Variants in GLRA1 observed in about 807,000 individuals in gnomAD.
GLRA1 encodes the protein glycine receptor subunit alpha-1.
In GLRA1, 37 loss-of-function variants were observed where a neutral mutation model predicts 48.3. That is an observed-to-expected ratio of 0.77 (90% CI 0.59 to 1.01). The LOEUF is 1.01. GLRA1 is among the 50% of genes least tolerant of loss of function. The pLI is 0.00. For synonymous variants in GLRA1, 196 were observed against 210.7 expected, an observed-to-expected ratio of 0.93 and a Z score of 0.60; for missense variants, 427 against 571.0, an observed-to-expected ratio of 0.75 and a Z score of 2.57.
intron 3 of GLRA1, among the ~76,000 whole-genome samples, chr5:151,879,047 G>A (rs1035195603): frequency 6.6e-6 from 1 of 152,240 alleles, no homozygotes; most frequent in Non-Finnish European, 1.5e-5. Context: ...GACACTCAAC[G>A]CTAGCCTATG....
Position 151,884,973 on chromosome 5 carries a change from C to A in GLRA1, c.252+1748G>T, listed in dbSNP as rs58887295. 6.5e-3 allele frequency among the ~76,000 whole-genome samples: 992 copies of A among 152,272 alleles called. 11 individuals are homozygous for A. Among genetic ancestry groups the A allele is most frequent in the African/African-American group, 0.022 (926 of 41,542 alleles). The stretch of plus-strand genomic sequence containing the variant: ...TTGGCTATTTATTTGACCTGGATAT[C>A]CAGTGAAAAGCACCCATGTTTGTTC... On this transcript the variant is annotated intron_variant, in intron 3 of 8. Transcript: ENST00000274576.
chr5:151,853,972 C>T (rs1274840641), intron 6 of GLRA1, among the ~76,000 whole-genome samples: 3 of 152,168 alleles, frequency 2.0e-5, no homozygotes, highest in African/African-American at 7.2e-5. Context: ...GTAATTATTT[C>T]ACAATGCATA....
chr5:151,887,463 G>A (rs112672502), intron 2 of GLRA1, among the ~76,000 whole-genome samples: 22 of 152,160 alleles, frequency 1.4e-4, no homozygotes, highest in African/African-American at 4.6e-4. Flanking sequence ...TAAACATTAC[G>A]GGGGTTCCTG....
chr5:151,904,609 A>T (rs986599176), intron 1 of GLRA1, among the ~76,000 whole-genome samples: 6 of 152,224 alleles, frequency 3.9e-5, no homozygotes, highest in African/African-American at 1.2e-4. Flanking sequence ...AGGGCTAAGC[A>T]CATGGACTCT....
chr5:151,830,333 C>G (rs991535260), intron 7 of GLRA1, among the ~76,000 whole-genome samples: 5 of 152,170 alleles, frequency 3.3e-5, no homozygotes, highest in Admixed American at 1.3e-4. Flanking sequence ...TTTTCAAAAG[C>G]AATCAATAGT....
chr5:151,910,505 G>A (rs1023494015), intron 1 of GLRA1, among the ~76,000 whole-genome samples: 1 of 152,118 alleles, frequency 6.6e-6, no homozygotes, highest in Non-Finnish European at 1.5e-5. Context: ...GGATCCTACT[G>A]TACAGACTGT....
At chr5:151,872,517 C>A (rs185955455) in intron 3 of GLRA1, among the ~76,000 whole-genome samples, 1 of 149,902 alleles carries the variant, frequency 6.7e-6, no homozygotes, top group Admixed American at 6.6e-5. Flanking sequence ...AGTGACTATT[C>A]TTTCATTAAA....
chr5:151,875,687 A>G (rs762414119), intron 3 of GLRA1: 2 of 152,312 alleles, frequency 1.3e-5, no homozygotes, highest in Non-Finnish European at 2.9e-5. Context: ...TGGTATGACC[A>G]TAGACAAGAC....
intron 7 of GLRA1, among the ~76,000 whole-genome samples, chr5:151,842,056 T>A (rs1489310010): frequency 3.1e-5 from 4 of 129,446 alleles, no homozygotes; most frequent in Admixed American, 8.0e-5. Context: ...AAACTCCATC[T>A]AAAAAAAAAA....
chr5:151,838,424 G>A (rs936760422), intron 7 of GLRA1, among the ~76,000 whole-genome samples: 7 of 152,098 alleles, frequency 4.6e-5, no homozygotes, highest in African/African-American at 1.4e-4. Flanking sequence ...AGCCGAGATC[G>A]TATCACCGCA....
chr5:151,922,121 G>T (rs1754890628), intron 1 of GLRA1, among the ~76,000 whole-genome samples: 1 of 152,210 alleles, frequency 6.6e-6, no homozygotes, highest in African/African-American at 2.4e-5. Context: ...AAGGTGAGCA[G>T]CTGGCATCAT....
At chr5:151,833,256 A>G (rs1272064942) in intron 7 of GLRA1, among the ~76,000 whole-genome samples, 1 of 152,170 alleles carries the variant, frequency 6.6e-6, no homozygotes, top group Non-Finnish European at 1.5e-5. Context: ...GGGCAAAATA[A>G]CCAGCTAGCA....
At chr5:151,897,591 A>T (rs1399998792) in intron 1 of GLRA1, among the ~76,000 whole-genome samples, 1 of 152,202 alleles carries the variant, frequency 6.6e-6, no homozygotes, top group Non-Finnish European at 1.5e-5. Context: ...GAGAAGGCTT[A>T]TTGCAATAGA....
chr5:151,826,996 A>G (rs1236043216), intron 8 of GLRA1, among the ~76,000 whole-genome samples: 3 of 149,968 alleles, frequency 2.0e-5, no homozygotes, highest in Admixed American at 2.0e-4. Flanking sequence ...TCTTAGAGAT[A>G]CTTACGTTTG....
chr5:151,869,622 G>A (rs1270718319), intron 3 of GLRA1, among the ~76,000 whole-genome samples: 5 of 149,586 alleles, frequency 3.3e-5, no homozygotes, highest in African/African-American at 1.0e-4. Flanking sequence ...GGCTGAGGGG[G>A]CAGAACTGCT....
At chr5:151,885,820 A>T (rs996749828) in intron 3 of GLRA1, among the ~76,000 whole-genome samples, 1 of 152,186 alleles carries the variant, frequency 6.6e-6, no homozygotes, top group Non-Finnish European at 1.5e-5. Flanking sequence ...AGGAGCAGTG[A>T]CGTGGTTAGA....
intron 3 of GLRA1, among the ~76,000 whole-genome samples, chr5:151,867,937 G>T (rs1753378640): frequency 6.6e-6 from 1 of 152,218 alleles, no homozygotes; most frequent in Non-Finnish European, 1.5e-5. Context: ...AGGAAGATCA[G>T]TATGGCAGGA....
At chr5:151,856,191 A>G (rs1250931215) in intron 5 of GLRA1, 110 bp downstream of exon 5, 5 of 739,352 alleles carry the variant, frequency 6.8e-6, no homozygotes, top group Non-Finnish European at 1.2e-5. Flanking sequence ...GGGTTATTAC[A>G]GTAATCTCCT....
At chr5:151,846,737 G>A (rs1411190128) in intron 7 of GLRA1, among the ~76,000 whole-genome samples, 1 of 152,072 alleles carries the variant, frequency 6.6e-6, no homozygotes, top group Non-Finnish European at 1.5e-5. Context: ...AATATGAATT[G>A]GATCCTTGAT....
Sources: gnomAD v4.1 joint callset for allele counts (sites outside exome capture counted in the v4.1 genomes callset) on GRCh38, gnomAD v4.1.1 for gene constraint, MANE v1.5 for transcripts, NCBI Gene and HGNC (gene_info 2026-07-23, HGNC 2026-07-21) for gene names.